Variants in PRDM15 observed in about 807,000 individuals in gnomAD.
PRDM15 encodes PR domain zinc finger protein 15.
Under a neutral mutation model 128.6 loss-of-function variants are expected in PRDM15, and 64 were observed. The ratio of observed to expected loss-of-function variants is 0.50; its 90% confidence interval spans 0.41 to 0.61. The LOEUF is 0.61. PRDM15 is among the 20% of genes least tolerant of loss of function. The pLI is 0.00. For synonymous variants in PRDM15, 615 were observed against 621.8 expected, an observed-to-expected ratio of 0.99 and a Z score of 0.16; for missense variants, 1,242 against 1,569.1, an observed-to-expected ratio of 0.79 and a Z score of 3.52.
chr21:41,870,227 A>G (rs2064163596), intron 1 of PRDM15, among the ~76,000 whole-genome samples: 1 of 152,232 alleles, frequency 6.6e-6, no homozygotes, highest in East Asian at 1.9e-4. Flanking sequence ...TTATGTCAAC[A>G]TCTATTAATA....
intron 5 of PRDM15, 66 bp from the exon 6 acceptor site, chr21:41,847,257 G>A: frequency 8.7e-7 from 1 of 1,150,406 alleles, no homozygotes; most frequent in Middle Eastern, 2.0e-4. Context: ...ATGAATCCCG[G>A]CGCAGCGGAG....
At chr21:41,850,616 C>T (rs1881617724) in intron 5 of PRDM15, among the ~76,000 whole-genome samples, 1 of 152,006 alleles carries the variant, frequency 6.6e-6, no homozygotes, top group Admixed American at 6.6e-5. Context: ...TCCCTGTGGT[C>T]CCAGCTACTA....
chr21:41,871,848 C>G (rs2064225104), intron 1 of PRDM15: 1 of 474,032 alleles, frequency 2.1e-6, no homozygotes, highest in Non-Finnish European at 3.8e-6. Context: ...TCTGACCGGC[C>G]CTGCCGAGTA....
intron 11 of PRDM15, among the ~76,000 whole-genome samples, chr21:41,831,721 G>GTCC (rs2062699038): frequency 6.6e-6 from 1 of 152,196 alleles, no homozygotes; most frequent in African/African-American, 2.4e-5. Flanking sequence ...GGGAAGCGCT[G>GTCC]GGAGGGGACA....
At chr21:41,852,696 C>T (rs962566084) in intron 5 of PRDM15, among the ~76,000 whole-genome samples, 4 of 152,242 alleles carry the variant, frequency 2.6e-5, no homozygotes, top group Non-Finnish European at 5.9e-5. Context: ...GCCACCGCTG[C>T]AGGCCCCAGA....
chr21:41,848,982 G>A (rs1314016071), intron 5 of PRDM15, among the ~76,000 whole-genome samples: 2 of 152,212 alleles, frequency 1.3e-5, no homozygotes, highest in African/African-American at 4.8e-5. Flanking sequence ...CAGCTTTAAA[G>A]TGATGCCAGA....
chr21:41,835,821 G>C (rs2062856254), intron 10 of PRDM15, among the ~76,000 whole-genome samples: 1 of 152,144 alleles, frequency 6.6e-6, no homozygotes, highest in African/African-American at 2.4e-5. Flanking sequence ...AGGTGGCCCA[G>C]GGACGCCAGG....
rs2061831221 is a variant in PRDM15, at chr21:41,810,517, A to G, written c.2477-188T>C. The G allele has an allele frequency of 1.2e-5, 8 of 664,050 alleles. No individual in the cohort carries two copies. The highest frequency in any genetic ancestry group is 3.5e-4 in the Middle Eastern group (1 of 2,844). 41.1% of individuals were successfully genotyped at this position (664,050 alleles called of 1,614,324 possible). A position where few individuals can be genotyped will look rare whatever the true frequency, so the allele number is the denominator to read the frequency against. The stretch of plus-strand genomic sequence containing the variant: ...ACAGAGCCTCTGTCCCTTGGGGAGC[A>G]CTGCCAGCAGCAGCTGCATCACGGA... On this transcript the variant is annotated intron_variant, in intron 20 of 23. Transcript: ENST00000398548. The surrounding 1 kb of genome is among the most constrained non-coding windows in gnomAD (Gnocchi z 6.4).
chr21:41,868,694 CTTTTT>C (rs55653735), intron 1 of PRDM15, among the ~76,000 whole-genome samples: 10 of 125,172 alleles, frequency 8.0e-5, no homozygotes, highest in Admixed American at 4.3e-4. Flanking sequence ...TTTTCTTTTT[CTTTTT>C]TTTTTTTTTT....
chr21:41,814,819 T>C (rs1182469239), intron 19 of PRDM15: 1 of 145,694 alleles, frequency 6.9e-6, no homozygotes, highest in Non-Finnish European at 1.5e-5. Context: ...TAGTGTTTTA[T>C]GAGAATGGCT....
chr21:41,834,450 C>A, intron 11 of PRDM15: 1 of 1,457,692 alleles, frequency 6.9e-7, no homozygotes. Flanking sequence ...CACAGAGATG[C>A]AAGTGACAGA....
chr21:41,865,428 A>G (rs1383967965), intron 1 of PRDM15, among the ~76,000 whole-genome samples: 1 of 152,138 alleles, frequency 6.6e-6, no homozygotes, highest in Non-Finnish European at 1.5e-5. Context: ...AGTGGGATAT[A>G]CTTGGACCCT....
chr21:41,803,719 C>A (rs1271263320), intron 22 of PRDM15, among the ~76,000 whole-genome samples: 1 of 152,130 alleles, frequency 6.6e-6, no homozygotes, highest in African/African-American at 2.4e-5. Context: ...GGGGCTGGAG[C>A]CGCCGTACGT....
intron 18 of PRDM15, among the ~76,000 whole-genome samples, chr21:41,816,733 C>T (rs574230178): frequency 2.0e-5 from 3 of 152,150 alleles, no homozygotes; most frequent in Non-Finnish European, 2.9e-5. Context: ...GAAAACTGCG[C>T]GGCTGGGCCA....
chr21:41,826,028 G>T lies in PRDM15; in HGVS notation c.1561C>A (p.Leu521Met). The T allele has an allele frequency of 6.2e-7, 1 of 1,614,142 alleles. No individual in the cohort carries two copies. The highest frequency in any genetic ancestry group is 2.2e-5 in the East Asian group (1 of 44,874). ...ACCAGGTTCTCCCCACCGGCCTCCA[G>T]GTCCTCTCGCTTCACTCGCCGCACT... ...EGVRRVKREDLEAGGENLVRY... is the reference protein window; with the variant it reads ...EGVRRVKREDMEAGGENLVRY... Residue 521 changes from leucine (L) to methionine (M), a missense_variant, in exon 13 of 24, where the codon CTG (leucine) becomes ATG (methionine). Coordinates refer to ENST00000398548, the MANE Select transcript of PRDM15 (RefSeq NM_001040424.3).
chr21:41,823,587 C>T, intron 13 of PRDM15, 138 bp from the exon 14 acceptor site: 1 of 859,332 alleles, frequency 1.2e-6, no homozygotes. Flanking sequence ...TCTCCAGTTC[C>T]TCAGTGTGTG....
Position 41,799,026 on chromosome 21 carries a change from A to G in PRDM15, c.*2214T>C, listed in dbSNP as rs934887014. The G allele has an allele frequency of 2.0e-5, 3 of 152,228 alleles. No homozygotes were observed. The highest frequency in any genetic ancestry group is 7.2e-5 in the African/African-American group (3 of 41,458). 9.4% of individuals were successfully genotyped at this position (152,228 alleles called of 1,614,324 possible). On this transcript the variant is annotated 3_prime_UTR_variant, in exon 24 of 24. Coordinates refer to ENST00000398548, the MANE Select transcript of PRDM15 (RefSeq NM_001040424.3). ...GAGGTGTCTGTGTATTGAGATAAAC[A>G]GTGGTATATACCACACAATCTAAAT...
intron 6 of PRDM15, among the ~76,000 whole-genome samples, chr21:41,840,294 AAGTT>A (rs1266354450): frequency 6.6e-6 from 1 of 151,952 alleles, no homozygotes; most frequent in East Asian, 1.9e-4. Flanking sequence ...AAAATACAAA[AAGTT>A]AGCCGGGTGT....
At chr21:41,825,935 G>A (rs367776814) in intron 13 of PRDM15, 25 bp downstream of exon 13, 131 of 1,541,484 alleles carry the variant, frequency 8.5e-5, no homozygotes, top group Middle Eastern at 3.4e-4. Flanking sequence ...CCATCTCAGC[G>A]TCCGACGTGG....
Sources: allele counts gnomAD v4.1 joint callset (sites outside exome capture counted in the v4.1 genomes callset), GRCh38; gene constraint gnomAD v4.1.1; non-coding constraint Gnocchi (gnomAD v3.1); transcripts MANE v1.5; gene names NCBI Gene and HGNC (gene_info 2026-07-23, HGNC 2026-07-21).